KDM7A: variants seen among roughly 807,000 people sequenced by gnomAD.
KDM7A encodes the protein lysine-specific demethylase 7A.
KDM7A carries 28 observed loss-of-function variants against 114.8 expected under a neutral mutation model. The observed-to-expected ratio is 0.24, with a 90% CI of 0.18 to 0.33. The LOEUF is 0.33. KDM7A is among the 10% of genes least tolerant of loss of function. KDM7A has a pLI of 1.00. For missense variants in KDM7A, 942 were observed against 1,142.5 expected (o/e 0.82, Z 2.53); for synonymous variants, 423 against 397.8 (o/e 1.06, Z -0.75).
intron 1 of KDM7A, among the ~76,000 whole-genome samples, chr7:140,161,707 G>A (rs1406516889): frequency 1.3e-5 from 2 of 151,724 alleles, no homozygotes; most frequent in African/African-American, 4.8e-5. Context: ...ACCACGCCCA[G>A]CTAATTTTTT....
intron 10 of KDM7A, among the ~76,000 whole-genome samples, chr7:140,112,474 G>A (rs912304126): frequency 6.6e-6 from 1 of 152,068 alleles, no homozygotes; most frequent in African/African-American, 2.4e-5. Flanking sequence ...AACTAGGCGT[G>A]GTGGTGCGTG....
chr7:140,159,737 G>A (rs1557937), intron 1 of KDM7A, among the ~76,000 whole-genome samples: 52,527 of 151,858 alleles, frequency 0.35, 9,346 homozygotes, highest in Middle Eastern at 0.43. Flanking sequence ...GAGGAATCAA[G>A]AGGACCTCAG....
rs773199648 is a variant in KDM7A at position 140,101,940 on chromosome 7, A to G, written c.1638+11T>C. On this transcript the variant is annotated intron_variant, in intron 12 of 19. Coordinates refer to ENST00000397560, the MANE Select transcript of KDM7A (RefSeq NM_030647.2). ...AAGTTTCTTTTTGTTGTCATGAAAC[A>G]TAATACTTGCCTCTTCCCATGGACA... is the stretch of plus-strand genomic sequence containing the variant. 1.3e-5 allele frequency: 20 copies of G among 1,579,100 alleles called. No individual in the cohort carries two copies. The highest frequency in any genetic ancestry group is 1.0e-4 in the Admixed American group (6 of 59,690).
At position 140,097,408 on chromosome 7, in the gene KDM7A, C is replaced by G. The variant is rs185623591; in HGVS notation, c.2016+137G>C. 210 of 578,864 alleles carry G rather than the reference C, an allele frequency of 3.6e-4. 2 individuals are homozygous for G. In the African/African-American group the frequency reaches 4.0e-3, roughly 11 times the overall value. 35.9% of individuals were successfully genotyped at this position (578,864 alleles called of 1,614,324 possible). Reference sequence around the variant, plus strand: ...GATGGCATGTGTGTACACTGACCACCACAGAAGACCCTGTGCTAATGTAAG... The same window carrying G: ...GATGGCATGTGTGTACACTGACCACGACAGAAGACCCTGTGCTAATGTAAG... On this transcript the variant is annotated intron_variant, in intron 15 of 19. Coordinates refer to ENST00000397560, the MANE Select transcript of KDM7A (RefSeq NM_030647.2).
chr7:140,091,933 C>A lies in KDM7A; in HGVS notation c.2602G>T (p.Ala868Ser), dbSNP rs373108814. ...YMQNSNLTSG[A>S]CQISNGSLSP... Reference sequence around the variant, plus strand: ...AGACTGCCATTACTTATCTGGCACGCCCCCGAAGTCAGGTTTGAATTCTGC... The same window carrying A: ...AGACTGCCATTACTTATCTGGCACGACCCCGAAGTCAGGTTTGAATTCTGC... The change falls in exon 19 of 20, where the codon GCG (alanine) becomes TCG (serine). Residue 868 changes from alanine (A) to serine (S), a missense_variant. Physicochemically the swap from Ala to Ser is moderately conservative, Grantham distance 99. This residue lies in a region of KDM7A where 512 missense variants were observed against 576.6 expected (regional missense o/e 0.89). Transcript: ENST00000397560. The A allele has an allele frequency of 8.8e-5, 142 of 1,613,790 alleles. No individual in the cohort carries two copies. The highest frequency in any genetic ancestry group is 1.2e-4 in the Non-Finnish European group (140 of 1,180,004).
At chr7:140,113,042 GTTCTCTTGGGCAAGTT>G (rs989581685) in intron 10 of KDM7A, among the ~76,000 whole-genome samples, 1 of 152,192 alleles carries the variant, frequency 6.6e-6, no homozygotes, top group African/African-American at 2.4e-5. Context: ...AACTTCACCA[GTTCTCTTGGGCAAGTT>G]ACTTAACTCT....
intron 1 of KDM7A, among the ~76,000 whole-genome samples, chr7:140,161,060 A>AG (rs778404817): frequency 3.9e-5 from 6 of 152,380 alleles, no homozygotes; most frequent in Middle Eastern, 3.4e-3. Flanking sequence ...GAAGAATGTA[A>AG]GAGAGGAATA....
chr7:140,161,749 T>C (rs1454400705), intron 1 of KDM7A, among the ~76,000 whole-genome samples: 4 of 152,026 alleles, frequency 2.6e-5, no homozygotes, highest in Admixed American at 6.6e-5. Context: ...TTTCACCGTG[T>C]TGGCCAGGAT....
intron 10 of KDM7A, among the ~76,000 whole-genome samples, chr7:140,112,481 C>G (rs377695365): frequency 6.6e-6 from 1 of 151,884 alleles, no homozygotes; most frequent in Non-Finnish European, 1.5e-5. Context: ...CGTGGTGGTG[C>G]GTGCCTGTAG....
intron 1 of KDM7A, among the ~76,000 whole-genome samples, chr7:140,153,767 C>T (rs9690468): frequency 2.6e-5 from 4 of 152,322 alleles, no homozygotes; most frequent in African/African-American, 7.2e-5. Flanking sequence ...GCAGTGGCAG[C>T]GTTCCCACTG....
intron 1 of KDM7A, among the ~76,000 whole-genome samples, chr7:140,140,949 A>G (rs1794265452): frequency 6.6e-6 from 1 of 152,166 alleles, no homozygotes; most frequent in African/African-American, 2.4e-5. Flanking sequence ...TAGAGAAATC[A>G]TAAGAATCAA....
chr7:140,086,341 G>C lies in KDM7A; in HGVS notation c.*4753C>G, dbSNP rs998879611. ...ACTAGAAGGGGCACCAGGGGGAAGG[G>C]GAGAACCTAAGGATATTGCAAAAGA... On this transcript the variant is annotated 3_prime_UTR_variant, in exon 20 of 20. Coordinates refer to ENST00000397560, the MANE Select transcript of KDM7A (RefSeq NM_030647.2). 6.6e-6 allele frequency: 1 copy of C among 152,062 alleles called. No homozygotes were observed. Among genetic ancestry groups the C allele is most frequent in the African/African-American group, 2.4e-5 (1 of 41,398 alleles). The allele number at this position is 152,062 out of a possible 1,614,324, so 9.4% of individuals were successfully genotyped here. A position where few individuals can be genotyped will look rare whatever the true frequency, so the allele number is the denominator to read the frequency against.
At chr7:140,118,808 G>A (rs1396110979) in intron 9 of KDM7A, among the ~76,000 whole-genome samples, 2 of 152,082 alleles carry the variant, frequency 1.3e-5, no homozygotes, top group Non-Finnish European at 2.9e-5. Context: ...GCACTGTTAC[G>A]TGCTTGATGA....
At chr7:140,104,610 T>C (rs1375964097) in intron 11 of KDM7A, among the ~76,000 whole-genome samples, 1 of 152,154 alleles carries the variant, frequency 6.6e-6, no homozygotes, top group Non-Finnish European at 1.5e-5. Context: ...TGTAGATGTG[T>C]GGTATTATTT....
Position 140,096,740 on chromosome 7 carries a change from G to A in KDM7A, c.2189C>T (p.Thr730Ile), listed in dbSNP as rs1818118646. 6.2e-7 allele frequency: 1 copy of A among 1,613,974 alleles called. No homozygotes were observed. Among genetic ancestry groups the A allele is most frequent in the Admixed American group, 1.7e-5 (1 of 60,004 alleles). ...CATGCCCTGAATAGCTTCTTCCTCT[G>A]TGCTCGTCGAGGTAGGACATTCCCT... ...IKRECPTSTS[T>I]EEEAIQGMLS... The change falls in exon 17 of 20, where the codon ACA becomes ATA. Residue 730 changes from threonine (T) to isoleucine (I), a missense_variant. By Grantham distance (89) the Thr-to-Ile change is moderately conservative. Transcript: ENST00000397560.
At chr7:140,135,405 G>GTA in intron 2 of KDM7A, among the ~76,000 whole-genome samples, 1 of 152,144 alleles carries the variant, frequency 6.6e-6, no homozygotes, top group East Asian at 1.9e-4. Flanking sequence ...GTTTCACCAT[G>GTA]TTGGCCAGGA....
At chr7:140,113,640 G>T in intron 9 of KDM7A, 58 bp from the exon 10 acceptor site, 1 of 866,784 alleles carries the variant, frequency 1.2e-6, no homozygotes, top group Non-Finnish European at 1.9e-6. Context: ...TAAAGTTAAA[G>T]GGATTAACTT....
intron 4 of KDM7A, among the ~76,000 whole-genome samples, chr7:140,129,102 C>T (rs1475890461): frequency 6.6e-6 from 1 of 152,218 alleles, no homozygotes; most frequent in Non-Finnish European, 1.5e-5. Context: ...AGAGGACTAA[C>T]TGTGCAGCTG....
chr7:140,109,878 C>G (rs1818404579), intron 11 of KDM7A, among the ~76,000 whole-genome samples: 2 of 152,196 alleles, frequency 1.3e-5, no homozygotes, highest in African/African-American at 4.8e-5. Context: ...AAATTATCCA[C>G]TAGAAGAATA....
Sources: allele counts gnomAD v4.1 joint callset (sites outside exome capture counted in the v4.1 genomes callset), GRCh38; gene constraint gnomAD v4.1.1; regional missense constraint gnomAD v4.1.1; transcripts MANE v1.5; gene names NCBI Gene and HGNC (gene_info 2026-07-23, HGNC 2026-07-21).